The following DNAH1 variants were observed in gnomAD, a reference collection of about 807,000 sequenced individuals.
The protein encoded by DNAH1 is axonemal beta dynein heavy chain 1.
DNAH1 carries 327 observed loss-of-function variants against 484.3 expected under a neutral mutation model. That is an observed-to-expected ratio of 0.68 (90% CI 0.62 to 0.74). DNAH1 has a LOEUF of 0.74. DNAH1 is among the 30% of genes least tolerant of loss of function. DNAH1 has a pLI of 0.00. For missense variants in DNAH1, 5,052 were observed against 5,546.8 expected (o/e 0.91, Z 2.83); for synonymous variants, 2,192 against 2,191.9 (o/e 1.00, Z 0.00).
rs751574288 is a variant in DNAH1, at chr3:52,364,619, T to G, written c.5245-19T>G. 3 of 1,613,726 alleles carry G rather than the reference T, an allele frequency of 1.9e-6. No homozygotes were observed. The highest frequency in any genetic ancestry group is 1.1e-5 in the South Asian group (1 of 91,072). The stretch of plus-strand genomic sequence containing the variant: ...GAGAGGGACAGTGCTCACCCATGCC[T>G]CCTTCTGTATGGCGACAGGATCACT... On this transcript the variant is annotated intron_variant, in intron 32 of 77. Coordinates refer to ENST00000420323, the MANE Select transcript of DNAH1 (RefSeq NM_015512.5). This position sits in a 1 kb window ranked among gnomAD's most constrained non-coding sequence, Gnocchi z 4.2.
chr3:52,372,690 G>A (rs1159138743), intron 43 of DNAH1, among the ~76,000 whole-genome samples: 4 of 152,264 alleles, frequency 2.6e-5, no homozygotes, highest in African/African-American at 9.6e-5. Context: ...GACTCACTTT[G>A]AGGGAGCTCA....
intron 44 of DNAH1, chr3:52,374,202 CAG>C (rs1334493923): frequency 6.7e-6 from 9 of 1,338,454 alleles, no homozygotes; most frequent in African/African-American, 2.9e-5. Flanking sequence ...ATTTATGAAA[CAG>C]AGCATCATAA....
intron 55 of DNAH1, 109 bp from the exon 56 acceptor site, chr3:52,386,553 T>A: frequency 2.3e-6 from 3 of 1,326,872 alleles, no homozygotes; most frequent in Non-Finnish European, 3.0e-6. Flanking sequence ...TATGCCCGTG[T>A]CCTGTGGTAG....
At chr3:52,345,732 G>A (rs1415928252) in intron 10 of DNAH1, 26 bp downstream of exon 10, 1 of 1,597,140 alleles carries the variant, frequency 6.3e-7, no homozygotes, top group Non-Finnish European at 8.5e-7. Flanking sequence ...GGGCACAGGG[G>A]GCAAACGCAG....
intron 53 of DNAH1, 99 bp from the exon 54 acceptor site, chr3:52,385,238 G>A (rs1034051219): frequency 1.3e-5 from 16 of 1,279,212 alleles, no homozygotes; most frequent in South Asian, 5.3e-5. Flanking sequence ...CGAAGCTGCC[G>A]GCCACAGCTT....
chr3:52,382,197 C>G, intron 49 of DNAH1, 123 bp from the exon 50 acceptor site: 1 of 1,511,212 alleles, frequency 6.6e-7, no homozygotes, highest in Non-Finnish European at 9.1e-7. Context: ...CCTGAAGGGT[C>G]TGCAGGTCTG....
chr3:52,322,555 C>G lies in DNAH1; in HGVS notation c.113C>G (p.Pro38Arg). Reference sequence around the variant, plus strand: ...ACCCACAGGGGCCTAGAGTATAACCCGGGGAAGATTCTTCCAGGATCAGAC... The same window carrying G: ...ACCCACAGGGGCCTAGAGTATAACCGGGGGAAGATTCTTCCAGGATCAGAC... ...VGTHRGLEYN[P>R]GKILPGSDYG... is the part of the protein sequence containing the mutation. The change falls in exon 2 of 78, where the codon CCG (proline) becomes CGG (arginine). Residue 38 changes from proline (P) to arginine (R), a missense_variant. By Grantham distance (103) the Pro-to-Arg change is moderately radical. Transcript: ENST00000420323. 1.9e-6 allele frequency: 3 copies of G among 1,613,884 alleles called. No individual in the cohort carries two copies. Among genetic ancestry groups the G allele is most frequent in the Non-Finnish European group, 2.5e-6 (3 of 1,179,836 alleles).
intron 8 of DNAH1, among the ~76,000 whole-genome samples, chr3:52,339,614 T>C (rs1202435687): frequency 6.6e-6 from 1 of 152,174 alleles, no homozygotes; most frequent in East Asian, 1.9e-4. Flanking sequence ...TCTTGTCTTC[T>C]CAAATGTGCA....
chr3:52,344,950 C>G (rs1351707092), intron 9 of DNAH1, among the ~76,000 whole-genome samples: 1 of 152,196 alleles, frequency 6.6e-6, no homozygotes, highest in African/African-American at 2.4e-5. Flanking sequence ...CTGATCAGAC[C>G]TAGAGGATAG....
chr3:52,350,625 G>T, intron 16 of DNAH1, 35 bp downstream of exon 16: 1 of 1,597,150 alleles, frequency 6.3e-7, no homozygotes, highest in Non-Finnish European at 8.6e-7. Flanking sequence ...CCAGGTGCGG[G>T]GTGGAGCATG....
At chr3:52,400,068 G>A (rs1704841170) in intron 77 of DNAH1, among the ~76,000 whole-genome samples, 1 of 152,170 alleles carries the variant, frequency 6.6e-6, no homozygotes, top group Non-Finnish European at 1.5e-5. Context: ...TGAGGCCCAG[G>A]GCAGGAACTT....
intron 46 of DNAH1, among the ~76,000 whole-genome samples, chr3:52,377,841 TG>T (rs1157452901): frequency 6.6e-6 from 1 of 151,972 alleles, no homozygotes; most frequent in African/African-American, 2.4e-5. Flanking sequence ...CCTCTCCTGC[TG>T]CAGGGCTGCC....
In DNAH1 at chr3:52,345,487, C is replaced by T. The variant is rs1484421820; in HGVS notation, c.1445-8C>T. 1 of 1,557,234 alleles carries T rather than the reference C, an allele frequency of 6.4e-7. No homozygotes were observed. ...TCTGATACTGGCCCTTGGCCCCTATCCCTGCAGGGCTGGTGAGTGTCCCCA... is the reference window on the plus strand; with the variant it reads ...TCTGATACTGGCCCTTGGCCCCTATTCCTGCAGGGCTGGTGAGTGTCCCCA... On this transcript the variant is annotated splice_polypyrimidine_tract_variant and splice_region_variant and intron_variant, in intron 9 of 77. Transcript: ENST00000420323.
In DNAH1 at chr3:52,362,643, AGGCCTCAG is replaced by A; in HGVS notation, c.5094+151_5094+158del. 7.4e-6 allele frequency: 6 copies of A among 816,164 alleles called. No homozygotes were observed. The highest frequency in any genetic ancestry group is 1.2e-5 in the Non-Finnish European group (6 of 516,658). The allele number at this position is 816,164 out of a possible 1,614,324, so 50.6% of individuals were successfully genotyped here. A position where few individuals can be genotyped will look rare whatever the true frequency, so the allele number is the denominator to read the frequency against. On this transcript the variant is annotated intron_variant, in intron 31 of 77. Transcript: ENST00000420323. This position sits in a 1 kb window ranked among gnomAD's most constrained non-coding sequence, Gnocchi z 5.1. ...TGGTAGCCCCTTAGCCATGGAGGGG[AGGCCTCAG>A]GGCCTCAGACTTGTCCTCAGGGCAT... is the stretch of plus-strand genomic sequence containing the variant.
At position 52,346,843 on chromosome 3, in the gene DNAH1, A is replaced by C. The variant is rs1032887996; in HGVS notation, c.1955+73A>C. On this transcript the variant is annotated intron_variant, in intron 11 of 77. Coordinates refer to ENST00000420323, the MANE Select transcript of DNAH1 (RefSeq NM_015512.5). ...CACCTGCTGGGGATGGAGCAGGGTC[A>C]GGGACCAGGGCCAGGGTGCCCATCC... 5.4e-6 allele frequency: 8 copies of C among 1,487,178 alleles called. No individual in the cohort carries two copies. The Middle Eastern group carries it at 1.8e-3, about 328-fold the overall frequency. The allele number at this position is 1,487,178 out of a possible 1,614,324, so 92.1% of individuals were successfully genotyped here.
At position 52,393,471 on chromosome 3, in the gene DNAH1, G is replaced by A. The variant is rs750889730; in HGVS notation, c.10612G>A (p.Gly3538Ser). The part of the protein sequence containing the change: ...LLCVRIMMNE[G>S]KINQSEWRYL... ...GTGTGTTCGCATCATGATGAACGAG[G>A]GCAAAATCAACCAGGTGCTGGCAGA... The change falls in exon 66 of 78, where the codon GGC becomes AGC. Residue 3538 changes from glycine to serine, a missense_variant. This residue lies in a region of DNAH1 where 2,929 missense variants were observed against 3,409.4 expected (regional missense o/e 0.86). Transcript: ENST00000420323. 1.2e-6 allele frequency: 2 copies of A among 1,614,016 alleles called. No homozygotes were observed. Among genetic ancestry groups the A allele is most frequent in the Admixed American group, 3.3e-5 (2 of 60,030 alleles).
chr3:52,350,158 T>TAA lies in DNAH1; in HGVS notation c.2646+51_2646+52dup, dbSNP rs535115875. On this transcript the variant is annotated intron_variant, in intron 15 of 77. Coordinates refer to ENST00000420323, the MANE Select transcript of DNAH1 (RefSeq NM_015512.5). ...GGCCAGGGAGGCACAGGGCTGGTGT[T>TAA]AAGAGTCCGAGGGCTGGGGCAGGCA... The TAA allele has an allele frequency of 5.0e-6, 8 of 1,589,888 alleles. No individual in the cohort carries two copies. The South Asian group carries it at 9.2e-5, about 18-fold the overall frequency.
chr3:52,315,237 G>A (rs1700910616), upstream of DNAH1, among the ~76,000 whole-genome samples: 1 of 152,152 alleles, frequency 6.6e-6, no homozygotes, highest in Admixed American at 6.5e-5. Flanking sequence ...GAAAATCAGA[G>A]GAAGATCCTG....
At chr3:52,389,922 G>C (rs1020607483) in intron 60 of DNAH1, among the ~76,000 whole-genome samples, 3 of 152,188 alleles carry the variant, frequency 2.0e-5, no homozygotes, top group South Asian at 2.1e-4. Context: ...GACCAGCTTG[G>C]CCAACATGGT....
Sources: allele counts gnomAD v4.1 joint callset (sites outside exome capture counted in the v4.1 genomes callset), GRCh38; gene constraint gnomAD v4.1.1; regional missense constraint gnomAD v4.1.1; non-coding constraint Gnocchi (gnomAD v3.1); transcripts MANE v1.5; gene names NCBI Gene and HGNC (gene_info 2026-07-23, HGNC 2026-07-21).